CALN1: variants seen among roughly 807,000 people sequenced by gnomAD.
CALN1 encodes calcium-binding protein 8.
CALN1 carries 17 observed loss-of-function variants against 30.6 expected under a neutral mutation model. That is an observed-to-expected ratio of 0.56 (90% CI 0.38 to 0.83). The LOEUF (loss-of-function observed/expected upper bound fraction) is 0.83, where lower values mean the gene tolerates loss of function less well. Ranked by LOEUF, CALN1 falls within the 40% of genes least tolerant of loss-of-function variation. The probability of loss-of-function intolerance (pLI) is 0.00; values close to 1 mark genes in which losing one functional copy is unlikely to be tolerated. For synonymous variants in CALN1, 156 were observed against 131.4 expected (o/e 1.19, Z -1.28); for missense variants, 291 against 354.9 (o/e 0.82, Z 1.45).
intron 4 of CALN1, among the ~76,000 whole-genome samples, chr7:72,104,428 G>A (rs972443236): frequency 1.3e-5 from 2 of 152,142 alleles, no homozygotes; most frequent in Admixed American, 1.3e-4. Flanking sequence ...TGGGGTCCAT[G>A]TGCAGGATGT....
intron 5 of CALN1, among the ~76,000 whole-genome samples, chr7:71,882,955 T>A (rs1792673702): frequency 6.6e-6 from 1 of 151,512 alleles, no homozygotes; most frequent in Non-Finnish European, 1.5e-5. Context: ...CTTCAAGCAA[T>A]CCCTCCACCT....
At chr7:71,845,792 TG>T (rs1790197029) in intron 5 of CALN1, among the ~76,000 whole-genome samples, 1 of 152,126 alleles carries the variant, frequency 6.6e-6, no homozygotes, top group South Asian at 2.1e-4. Flanking sequence ...CAGTGGCTCA[TG>T]CCTGTATCCC....
the CALN1 span, among the ~76,000 whole-genome samples, chr7:72,466,499 T>TG: frequency 4.6e-5 from 7 of 152,106 alleles, no homozygotes; most frequent in Non-Finnish European, 7.4e-5. Context: ...ATCCCAGCAC[T>TG]TTGGGAGGCT....
chr7:72,361,965 T>G (rs1469549353), intron 2 of CALN1, among the ~76,000 whole-genome samples: 2 of 152,188 alleles, frequency 1.3e-5, no homozygotes, highest in Admixed American at 6.5e-5. Context: ...CGCAGTTTTA[T>G]TCATAATTTT....
At chr7:72,103,383 T>C (rs1270309323) in intron 4 of CALN1, 1 of 156,662 alleles carries the variant, frequency 6.4e-6, no homozygotes. Flanking sequence ...AGTGTCTAGG[T>C]GGTTGGGTGG....
chr7:72,403,129 C>A (rs1806451928), intron 2 of CALN1, 122 bp downstream of exon 2: 2 of 672,190 alleles, frequency 3.0e-6, no homozygotes, highest in African/African-American at 3.6e-5. Context: ...GTGTCCATTT[C>A]ATAGATTCTC....
At chr7:72,397,409 G>A (rs1185174456) in intron 2 of CALN1, among the ~76,000 whole-genome samples, 1 of 152,144 alleles carries the variant, frequency 6.6e-6, no homozygotes. Context: ...AGTTGAAGTT[G>A]AGGCAACAAG....
intron 2 of CALN1, among the ~76,000 whole-genome samples, chr7:72,349,368 A>C (rs564511303): frequency 3.9e-5 from 6 of 151,912 alleles, no homozygotes; most frequent in Non-Finnish European, 7.4e-5. Context: ...ATAGTGGCTA[A>C]TATTTCCCAA....
At chr7:72,340,648 G>A (rs1802335394) in intron 2 of CALN1, among the ~76,000 whole-genome samples, 1 of 152,140 alleles carries the variant, frequency 6.6e-6, no homozygotes, top group Admixed American at 6.6e-5. Flanking sequence ...TGAGCCACTG[G>A]TTGAGTTTTA....
intron 5 of CALN1, among the ~76,000 whole-genome samples, chr7:71,842,075 AT>A (rs1789970582): frequency 6.6e-6 from 1 of 152,014 alleles, no homozygotes; most frequent in Admixed American, 6.5e-5. Flanking sequence ...TTTGTTACTG[AT>A]TAGGAGAGAG....
At position 72,236,014 on chromosome 7, in the gene CALN1, A is replaced by T. The variant is rs903156845; in HGVS notation, c.244+42672T>A. Among the ~76,000 whole-genome samples, 16 of 147,862 alleles carry T rather than the reference A, an allele frequency of 1.1e-4. No individual in the cohort carries two copies. In the Admixed American group the frequency reaches 1.1e-3, roughly 10 times the overall value. The stretch of plus-strand genomic sequence containing the variant: ...ATCCCAGCTCTTAGGGAGGCAGAGG[A>T]GGGAGGATAGTTTGAGCCCAGGAGT... On this transcript the variant is annotated intron_variant, in intron 3 of 6. Coordinates refer to ENST00000395275, the MANE Select transcript of CALN1 (RefSeq NM_031468.4).
intron 2 of CALN1, among the ~76,000 whole-genome samples, chr7:72,398,068 G>A (rs1806097693): frequency 6.6e-6 from 1 of 152,156 alleles, no homozygotes; most frequent in Admixed American, 6.5e-5. Flanking sequence ...GGGCCATGAT[G>A]GAAGCCCTTG....
At chr7:71,865,011 G>GA (rs1314254844) in intron 5 of CALN1, among the ~76,000 whole-genome samples, 1 of 151,170 alleles carries the variant, frequency 6.6e-6, no homozygotes, top group African/African-American at 2.4e-5. Context: ...TCCAAAAAAG[G>GA]AAAAAAGAAA....
intron 6 of CALN1, among the ~76,000 whole-genome samples, chr7:71,803,508 T>C (rs1270593728): frequency 6.6e-6 from 1 of 152,146 alleles, no homozygotes; most frequent in Non-Finnish European, 1.5e-5. Flanking sequence ...AGAGTCTTGC[T>C]CTGTTGCCCA....
chr7:72,276,511 C>G (rs773043051), intron 3 of CALN1, among the ~76,000 whole-genome samples: 10 of 152,136 alleles, frequency 6.6e-5, no homozygotes, highest in Non-Finnish European at 8.8e-5. Context: ...TTGAATGTCC[C>G]TTCCAAACCT....
intron 3 of CALN1, among the ~76,000 whole-genome samples, chr7:72,211,949 G>T (rs1040377039): frequency 1.1e-4 from 17 of 152,326 alleles, no homozygotes; most frequent in African/African-American, 4.1e-4. Context: ...ACTGTTTCAT[G>T]TAAGACTTAA....
chr7:71,930,516 T>C (rs1167856174), intron 5 of CALN1, among the ~76,000 whole-genome samples: 3 of 152,200 alleles, frequency 2.0e-5, no homozygotes, highest in Non-Finnish European at 2.9e-5. Flanking sequence ...TGGTGTGAGT[T>C]GTCTTTTTAG....
At chr7:72,178,562 A>C (rs1186994518) in intron 3 of CALN1, among the ~76,000 whole-genome samples, 3 of 152,004 alleles carry the variant, frequency 2.0e-5, no homozygotes, top group Non-Finnish European at 4.4e-5. Flanking sequence ...GGTGGCACGC[A>C]CCTGTAATCC....
rs112299859 is a variant in CALN1, at chr7:72,400,509, T to C, written c.119+2742A>G. On this transcript the variant is annotated intron_variant, in intron 2 of 6. Transcript: ENST00000395275. Reference sequence around the variant, plus strand: ...ATTGCTCCTTCTCTGACACTAGCTCTTGTTCCCTCCAGAATCTGATCAGTA... The same window carrying C: ...ATTGCTCCTTCTCTGACACTAGCTCCTGTTCCCTCCAGAATCTGATCAGTA... 4.9e-3 allele frequency among the ~76,000 whole-genome samples: 747 copies of C among 152,328 alleles called. 6 individuals carry two copies. Among genetic ancestry groups the C allele is most frequent in the Non-Finnish European group, 8.4e-3 (573 of 68,028 alleles).
Sources: allele counts gnomAD v4.1 joint callset (sites outside exome capture counted in the v4.1 genomes callset), GRCh38; gene constraint gnomAD v4.1.1; transcripts MANE v1.5; gene names NCBI Gene and HGNC (gene_info 2026-07-23, HGNC 2026-07-21).